MAP7: variants seen among roughly 807,000 people sequenced by gnomAD.
MAP7 encodes ensconsin.
MAP7 carries 52 observed loss-of-function variants against 94.8 expected under a neutral mutation model. That is an observed-to-expected ratio of 0.55 (90% CI 0.44 to 0.69). The LOEUF (loss-of-function observed/expected upper bound fraction) is 0.69. MAP7 is among the 30% of genes least tolerant of loss of function. The probability of loss-of-function intolerance (pLI) is 0.00; values close to 1 mark genes in which losing one functional copy is unlikely to be tolerated. For synonymous variants in MAP7, 350 were observed against 357.0 expected, an observed-to-expected ratio of 0.98 and a Z score of 0.22; for missense variants, 940 against 964.6, an observed-to-expected ratio of 0.97 and a Z score of 0.34.
intron 1 of MAP7, among the ~76,000 whole-genome samples, chr6:136,497,562 G>A (rs915144571): frequency 6.6e-6 from 1 of 151,390 alleles, no homozygotes; most frequent in African/African-American, 2.4e-5. Context: ...CACTTTGGGA[G>A]GCTGAAGGTG....
intron 16 of MAP7, among the ~76,000 whole-genome samples, chr6:136,354,245 T>C (rs1051535838): frequency 6.9e-6 from 1 of 145,080 alleles, no homozygotes. Context: ...CCTATAAATA[T>C]ATATAAATTT....
intron 16 of MAP7, among the ~76,000 whole-genome samples, chr6:136,351,880 T>C (rs756214432): frequency 6.6e-6 from 1 of 152,154 alleles, no homozygotes; most frequent in Non-Finnish European, 1.5e-5. Flanking sequence ...TTCTTTAGCA[T>C]ACACGTGCTT....
chr6:136,482,464 G>A (rs2128967519), intron 1 of MAP7, among the ~76,000 whole-genome samples: 1 of 152,132 alleles, frequency 6.6e-6, no homozygotes, highest in East Asian at 1.9e-4. Flanking sequence ...AGCTGGGTGT[G>A]GTGGCACATG....
chr6:136,435,097 ATTTT>A (rs1172579328), intron 1 of MAP7, among the ~76,000 whole-genome samples: 5 of 152,224 alleles, frequency 3.3e-5, no homozygotes, highest in African/African-American at 7.2e-5. Context: ...TTTAGAATGC[ATTTT>A]ATGTGACCAT....
intron 6 of MAP7, among the ~76,000 whole-genome samples, chr6:136,380,800 A>T (rs554091093): frequency 5.6e-4 from 85 of 152,356 alleles, no homozygotes; most frequent in South Asian, 1.0e-3. Flanking sequence ...TTAAAAACTG[A>T]CAAGGCACAG....
Position 136,526,147 on chromosome 6 carries a change from C to T in MAP7, c.67+24195G>A, listed in dbSNP as rs1479815520. On this transcript the variant is annotated intron_variant, in intron 1 of 17. Coordinates refer to ENST00000354570, the MANE Select transcript of MAP7 (RefSeq NM_003980.6). ...ACAGATAGTACCAGCCACTTGGCAACTGAGGCCCTGCAGTTCCCCTCACCT... is the reference window on the plus strand; with the variant it reads ...ACAGATAGTACCAGCCACTTGGCAATTGAGGCCCTGCAGTTCCCCTCACCT... 5.3e-6 allele frequency: 7 copies of T among 1,315,222 alleles called. No homozygotes were observed. The African/African-American group carries it at 9.1e-5, about 17-fold the overall frequency. 81.5% of individuals were successfully genotyped at this position (1,315,222 alleles called of 1,614,324 possible). A position where few individuals can be genotyped will look rare whatever the true frequency, so the allele number is the denominator to read the frequency against.
intron 1 of MAP7, among the ~76,000 whole-genome samples, chr6:136,539,576 G>A (rs1238448072): frequency 2.0e-5 from 3 of 152,188 alleles, no homozygotes; most frequent in Admixed American, 6.5e-5. Context: ...CTGCAAAGAG[G>A]AGAAAAGGAT....
chr6:136,417,682 C>T (rs533832684), intron 2 of MAP7, among the ~76,000 whole-genome samples: 52 of 152,162 alleles, frequency 3.4e-4, no homozygotes, highest in African/African-American at 4.6e-4. Context: ...GAAGACAGCA[C>T]GGATATGTGT....
Position 136,465,601 on chromosome 6 carries a change from T to G in MAP7, c.68-43802A>C, listed in dbSNP as rs182610958. ...TAATGTATATACAACCCTGAACATT[T>G]GAGATTATTCTATTGTTTAATGATA... On this transcript the variant is annotated intron_variant, in intron 1 of 17. Transcript: ENST00000354570. 6.2e-3 allele frequency among the ~76,000 whole-genome samples: 942 copies of G among 152,312 alleles called. 5 individuals carry two copies. The highest frequency in any genetic ancestry group is 9.7e-3 in the Non-Finnish European group (661 of 68,012).
rs115726122 is a variant in MAP7 at position 136,455,777 on chromosome 6, A to C, written c.68-33978T>G. ...TCTTTATTTAATGGATTTTGAGCCA[A>C]ATGCCACTGAGAATCAGCAGACTCA... is the stretch of plus-strand genomic sequence containing the variant. On this transcript the variant is annotated intron_variant, in intron 1 of 17. Transcript: ENST00000354570. Among the ~76,000 whole-genome samples the C allele has an allele frequency of 3.0e-3, 458 of 152,340 alleles. 3 individuals carry two copies. Among genetic ancestry groups the C allele is most frequent in the African/African-American group, 0.011 (439 of 41,566 alleles).
chr6:136,495,347 T>C (rs1205514705), intron 1 of MAP7, among the ~76,000 whole-genome samples: 2 of 152,114 alleles, frequency 1.3e-5, no homozygotes, highest in Non-Finnish European at 2.9e-5. Context: ...TGTGGACCGT[T>C]CCAATTTGGT....
intron 8 of MAP7, among the ~76,000 whole-genome samples, chr6:136,367,151 T>C (rs1186374000): frequency 6.6e-6 from 1 of 152,220 alleles, no homozygotes. Flanking sequence ...GGAATTCAGC[T>C]TGAGAGATGA....
rs749972626 is a variant in MAP7 at position 136,389,530 on chromosome 6, TTAAA to T, written c.245-17_245-14del. 131 of 1,582,616 alleles carry T rather than the reference TTAAA, an allele frequency of 8.3e-5. No individual in the cohort carries two copies. The Admixed American group carries it at 1.2e-3, about 15-fold the overall frequency. On this transcript the variant is annotated splice_polypyrimidine_tract_variant and intron_variant, in intron 3 of 17. Coordinates refer to ENST00000354570, the MANE Select transcript of MAP7 (RefSeq NM_003980.6). Reference sequence around the variant, plus strand: ...ATTTCTCTTGCAGCTTTGGGGAGGGTTAAAAAAAAAAAAAAAGAGGGAAATCAAA... The same window carrying T: ...ATTTCTCTTGCAGCTTTGGGGAGGGTAAAAAAAAAAAAGAGGGAAATCAAA...
chr6:136,418,378 C>T (rs1790205067), intron 2 of MAP7, among the ~76,000 whole-genome samples: 1 of 152,110 alleles, frequency 6.6e-6, no homozygotes, highest in Non-Finnish European at 1.5e-5. Flanking sequence ...CCATGCCTGG[C>T]TAATTTTTGT....
chr6:136,519,723 G>A (rs1825853664), intron 1 of MAP7, among the ~76,000 whole-genome samples: 1 of 152,200 alleles, frequency 6.6e-6, no homozygotes, highest in Admixed American at 6.5e-5. Flanking sequence ...CAGTTTCTCA[G>A]AACCACTGTG....
At chr6:136,397,900 G>A (rs893988881) in intron 3 of MAP7, among the ~76,000 whole-genome samples, 4 of 152,144 alleles carry the variant, frequency 2.6e-5, no homozygotes, top group African/African-American at 9.7e-5. Flanking sequence ...AATGAACTGT[G>A]ATTAATATTA....
At chr6:136,346,287 G>A (rs1185133272) in intron 16 of MAP7, among the ~76,000 whole-genome samples, 1 of 152,144 alleles carries the variant, frequency 6.6e-6, no homozygotes, top group Non-Finnish European at 1.5e-5. Flanking sequence ...TCTAGGTCAG[G>A]CACAGTGGCT....
intron 1 of MAP7, among the ~76,000 whole-genome samples, chr6:136,504,969 C>A (rs953530452): frequency 6.6e-6 from 1 of 152,276 alleles, no homozygotes; most frequent in East Asian, 1.9e-4. Context: ...CATGAGCCAC[C>A]ATGCCCAGCC....
At chr6:136,524,524 C>T (rs1428177423) in intron 1 of MAP7, among the ~76,000 whole-genome samples, 1 of 152,188 alleles carries the variant, frequency 6.6e-6, no homozygotes, top group African/African-American at 2.4e-5. Flanking sequence ...CATTAAGTCA[C>T]CCTCCAGTCA....
Sources: gnomAD v4.1 joint callset for allele counts (sites outside exome capture counted in the v4.1 genomes callset) on GRCh38, gnomAD v4.1.1 for gene constraint, MANE v1.5 for transcripts, NCBI Gene and HGNC (gene_info 2026-07-23, HGNC 2026-07-21) for gene names.